The following SLIT2 variants were observed in gnomAD, a reference collection of about 807,000 sequenced individuals.
SLIT2 encodes the protein slit homolog 2 protein.
In SLIT2, 41 loss-of-function variants were observed where a neutral mutation model predicts 185.7. That is an observed-to-expected ratio of 0.22 (90% CI 0.17 to 0.29). The LOEUF is 0.29. Among genes scored for constraint, SLIT2 ranks in the 10% least tolerant of loss-of-function variants. The pLI is 1.00. For missense variants in SLIT2, 1,571 were observed against 1,909.0 expected, an observed-to-expected ratio of 0.82 and a Z score of 3.30; for synonymous variants, 693 against 680.2, an observed-to-expected ratio of 1.02 and a Z score of -0.29.
At chr4:20,534,789 C>T (rs1722120342) in intron 18 of SLIT2, among the ~76,000 whole-genome samples, 3 of 152,202 alleles carry the variant, frequency 2.0e-5, no homozygotes, top group Non-Finnish European at 2.9e-5. Context: ...GGCATTCCCA[C>T]AGCCAGCAAG....
At chr4:20,390,781 T>A (rs1208178084) in intron 4 of SLIT2, among the ~76,000 whole-genome samples, 9 of 144,480 alleles carry the variant, frequency 6.2e-5, no homozygotes, top group Admixed American at 1.4e-4. Context: ...TAAAAAAAAA[T>A]ATATATATAC....
chr4:20,619,145 A>G lies in SLIT2; in HGVS notation c.*136A>G. 1.1e-6 allele frequency: 1 copy of G among 939,510 alleles called. No individual in the cohort carries two copies. The highest frequency in any genetic ancestry group is 2.9e-5 in the East Asian group (1 of 35,042). The allele number at this position is 939,510 out of a possible 1,614,324, so 58.2% of individuals were successfully genotyped here. On this transcript the variant is annotated 3_prime_UTR_variant, in exon 37 of 37. Transcript: ENST00000504154. ...CAGACTTATTTTTATTATGAGAATA[A>G]AGACTTTTTTTCTGCATTTGGAAAA...
intron 4 of SLIT2, among the ~76,000 whole-genome samples, chr4:20,342,765 C>G (rs1286609940): frequency 1.0e-5 from 1 of 95,752 alleles, no homozygotes; most frequent in African/African-American, 4.2e-5. Context: ...GTTCTAATGT[C>G]GGTCCATGTG....
intron 29 of SLIT2, among the ~76,000 whole-genome samples, chr4:20,578,002 G>A (rs1377406070): frequency 6.6e-6 from 1 of 152,178 alleles, no homozygotes; most frequent in Non-Finnish European, 1.5e-5. Context: ...GAAATGAACA[G>A]TCTACCCATC....
chr4:20,397,212 A>G (rs1016355905), intron 4 of SLIT2, among the ~76,000 whole-genome samples: 1 of 151,776 alleles, frequency 6.6e-6, no homozygotes, highest in Non-Finnish European at 1.5e-5. Flanking sequence ...AGAATTATTC[A>G]AGTGCTCTTG....
At chr4:20,368,861 C>T (rs1723343947) in intron 4 of SLIT2, among the ~76,000 whole-genome samples, 1 of 152,072 alleles carries the variant, frequency 6.6e-6, no homozygotes. Flanking sequence ...TATTTCTTCT[C>T]TCCTGAAACC....
At chr4:20,422,000 A>G (rs545280295) in intron 4 of SLIT2, among the ~76,000 whole-genome samples, 1 of 152,228 alleles carries the variant, frequency 6.6e-6, no homozygotes, top group African/African-American at 2.4e-5. Flanking sequence ...CCTCCACAAC[A>G]TGTTGCTGTT....
At chr4:20,416,962 CTTTT>C (rs33980142) in intron 4 of SLIT2, among the ~76,000 whole-genome samples, 2 of 141,356 alleles carry the variant, frequency 1.4e-5, no homozygotes, top group Admixed American at 7.1e-5. Context: ...GCTATCAAAT[CTTTT>C]TTTTTTTTTT....
In SLIT2 at chr4:20,528,349, C is replaced by T. The variant is rs376226736; in HGVS notation, c.1463-600C>T. 6 of 534,352 alleles carry T rather than the reference C, an allele frequency of 1.1e-5. No homozygotes were observed. Among genetic ancestry groups the T allele is most frequent in the Non-Finnish European group, 2.3e-5 (6 of 260,044 alleles). The allele number at this position is 534,352 out of a possible 1,614,324, so 33.1% of individuals were successfully genotyped here. On this transcript the variant is annotated intron_variant, in intron 15 of 36. Coordinates refer to ENST00000504154, the MANE Select transcript of SLIT2 (RefSeq NM_004787.4). This position sits in a 1 kb window ranked among gnomAD's most constrained non-coding sequence, Gnocchi z 4.2. ...GCGAGGTATGAGTAAAACATGGTTCCGTCAAGCACCATGGAACGTCACGCA... is the reference window on the plus strand; with the variant it reads ...GCGAGGTATGAGTAAAACATGGTTCTGTCAAGCACCATGGAACGTCACGCA...
At chr4:20,552,873 C>T (rs924279573) in intron 25 of SLIT2, among the ~76,000 whole-genome samples, 6 of 152,098 alleles carry the variant, frequency 3.9e-5, no homozygotes, top group African/African-American at 1.4e-4. Context: ...GTTATGAGTC[C>T]AGGTCTCAGT....
At chr4:20,433,361 T>C (rs1224673555) in intron 4 of SLIT2, among the ~76,000 whole-genome samples, 1 of 152,214 alleles carries the variant, frequency 6.6e-6, no homozygotes, top group Admixed American at 6.5e-5. Context: ...TTAAACCCTA[T>C]AATAACATAT....
At chr4:20,324,245 C>A (rs1719351292) in intron 4 of SLIT2, among the ~76,000 whole-genome samples, 1 of 143,488 alleles carries the variant, frequency 7.0e-6, no homozygotes, top group Non-Finnish European at 1.5e-5. Context: ...TGTTGACAAC[C>A]CCAGTGCATT....
At chr4:20,447,904 A>T (rs1057409418) in intron 4 of SLIT2, among the ~76,000 whole-genome samples, 2 of 152,240 alleles carry the variant, frequency 1.3e-5, no homozygotes, top group African/African-American at 4.8e-5. Flanking sequence ...TTGAGGAGAA[A>T]AAAGGAAATG....
rs985443312 is a variant in SLIT2 at position 20,252,640 on chromosome 4, G to C, written c.-1176G>C. Among the ~76,000 whole-genome samples, 1 of 152,202 alleles carries C rather than the reference G, an allele frequency of 6.6e-6. No individual in the cohort carries two copies. The highest frequency in any genetic ancestry group is 1.5e-5 in the Non-Finnish European group (1 of 68,030). Reference sequence around the variant, plus strand: ...CCCGGCTCTTGTTTCTTCTACCTTTGCCATCAGGTGTCTGCCGCGGAGCTG... The same window carrying C: ...CCCGGCTCTTGTTTCTTCTACCTTTCCCATCAGGTGTCTGCCGCGGAGCTG... On this transcript the variant is annotated 5_prime_UTR_variant, in exon 1 of 37. Transcript: ENST00000504154.
At chr4:20,382,202 G>T (rs1377411871) in intron 4 of SLIT2, among the ~76,000 whole-genome samples, 1 of 151,966 alleles carries the variant, frequency 6.6e-6, no homozygotes, top group African/African-American at 2.4e-5. Flanking sequence ...AAATAGAAGG[G>T]AACTTCTGCA....
chr4:20,571,814 C>T (rs968351385), intron 29 of SLIT2, among the ~76,000 whole-genome samples: 11 of 152,114 alleles, frequency 7.2e-5, no homozygotes, highest in Admixed American at 7.2e-4. Context: ...GAAGTGAACT[C>T]TGTTTAATAA....
intron 4 of SLIT2, among the ~76,000 whole-genome samples, chr4:20,449,427 A>G (rs1475153063): frequency 6.6e-6 from 1 of 152,102 alleles, no homozygotes; most frequent in Non-Finnish European, 1.5e-5. Context: ...TTTGATTTTT[A>G]TGAGGGAGTC....
chr4:20,601,332 C>CT (rs1342251516), intron 33 of SLIT2, among the ~76,000 whole-genome samples: 1 of 152,168 alleles, frequency 6.6e-6, no homozygotes, highest in Non-Finnish European at 1.5e-5. Context: ...TAATAGTGTC[C>CT]TTTTTGTGAG....
intron 4 of SLIT2, among the ~76,000 whole-genome samples, chr4:20,354,226 T>G (rs1722120890): frequency 6.6e-6 from 1 of 152,076 alleles, no homozygotes; most frequent in Admixed American, 6.6e-5. Context: ...TCTTTTTTTT[T>G]TTAACTTTTC....
Sources: allele counts gnomAD v4.1 joint callset (sites outside exome capture counted in the v4.1 genomes callset), GRCh38; gene constraint gnomAD v4.1.1; non-coding constraint Gnocchi (gnomAD v3.1); transcripts MANE v1.5; gene names NCBI Gene and HGNC (gene_info 2026-07-23, HGNC 2026-07-21).